KHDRBS2: variants seen among roughly 807,000 people sequenced by gnomAD.
The protein encoded by KHDRBS2 is KH domain-containing, RNA-binding, signal transduction-associated protein 2.
Under a neutral mutation model 44.3 loss-of-function variants are expected in KHDRBS2, and 26 were observed. The ratio of observed to expected loss-of-function variants is 0.59; its 90% CI spans 0.43 to 0.81. The LOEUF (loss-of-function observed/expected upper bound fraction) is 0.81, where lower values mean the gene tolerates loss of function less well. Ranked by LOEUF, KHDRBS2 falls within the 40% of genes least tolerant of loss-of-function variation. The probability of loss-of-function intolerance (pLI) is 0.00; values close to 1 mark genes in which losing one functional copy is unlikely to be tolerated. For synonymous variants in KHDRBS2, 194 were observed against 151.1 expected (o/e 1.28, Z -2.08); for missense variants, 476 against 433.1 (o/e 1.10, Z -0.88).
At position 62,286,146 on chromosome 6, in the gene KHDRBS2, C is replaced by T; in HGVS notation, c.-198G>A. On this transcript the variant is annotated 5_prime_UTR_variant, in exon 1 of 9. Transcript: ENST00000281156. ...CTGCGTGGCCCCGCGCCCACACCTG[C>T]CCGTCCCTTCCGTCGTCCCTCGCTC... The T allele has an allele frequency of 1.8e-6, 1 of 561,938 alleles. No homozygotes were observed. Among genetic ancestry groups the T allele is most frequent in the Non-Finnish European group, 3.1e-6 (1 of 322,300 alleles). The allele number at this position is 561,938 out of a possible 1,614,324, so 34.8% of individuals were successfully genotyped here.
chr6:61,706,544 C>T (rs1234265170), intron 7 of KHDRBS2, among the ~76,000 whole-genome samples: 1 of 151,758 alleles, frequency 6.6e-6, no homozygotes, highest in African/African-American at 2.4e-5. Context: ...AATTTGAGAT[C>T]ATTCTCTTTT....
intron 6 of KHDRBS2, among the ~76,000 whole-genome samples, chr6:61,828,629 T>G (rs753136301): frequency 2.6e-5 from 4 of 152,200 alleles, no homozygotes; most frequent in Admixed American, 6.5e-5. Flanking sequence ...TGGGTATCCC[T>G]CAGGCTGCTG....
chr6:61,975,787 T>A lies in KHDRBS2; in HGVS notation c.483+2279A>T, dbSNP rs77954593. On this transcript the variant is annotated intron_variant, in intron 4 of 8. Transcript: ENST00000281156. ...TTATAATGTTAAATAGAGTGGTTAG[T>A]GATACTACGTTCAAAATATAGTAAG... Among the ~76,000 whole-genome samples, 882 of 152,186 alleles carry A rather than the reference T, an allele frequency of 5.8e-3. 25 individuals are homozygous for A. The highest frequency in any genetic ancestry group is 0.041 in the East Asian group (214 of 5,178).
intron 3 of KHDRBS2, among the ~76,000 whole-genome samples, chr6:62,020,455 A>G (rs1051026836): frequency 1.3e-5 from 2 of 152,022 alleles, no homozygotes; most frequent in African/African-American, 4.8e-5. Flanking sequence ...ATAAATGTCA[A>G]TTAACTCAGT....
At chr6:61,748,478 T>C (rs1253909173) in intron 6 of KHDRBS2, among the ~76,000 whole-genome samples, 1 of 152,180 alleles carries the variant, frequency 6.6e-6, no homozygotes, top group Admixed American at 6.5e-5. Context: ...TATTGCAAAC[T>C]CACCAGGTCT....
the KHDRBS2 span, among the ~76,000 whole-genome samples, chr6:61,566,437 A>G: frequency 0.59 from 89,355 of 151,498 alleles, 26,506 homozygotes; most frequent in Non-Finnish European, 0.61. Flanking sequence ...TTAAAGTATT[A>G]GATATCCCAA....
At chr6:62,076,862 T>C (rs1459277871) in intron 2 of KHDRBS2, among the ~76,000 whole-genome samples, 4 of 151,900 alleles carry the variant, frequency 2.6e-5, no homozygotes, top group African/African-American at 2.4e-5. Context: ...TTGTGCAACA[T>C]AGTGAGACCT....
intron 3 of KHDRBS2, among the ~76,000 whole-genome samples, chr6:61,993,026 GAT>G (rs1776430818): frequency 6.6e-6 from 1 of 152,124 alleles, no homozygotes; most frequent in African/African-American, 2.4e-5. Context: ...CCAGGAAACT[GAT>G]ATGATATTGA....
chr6:62,239,681 T>TATTC (rs1834276935), intron 1 of KHDRBS2, among the ~76,000 whole-genome samples: 1 of 152,020 alleles, frequency 6.6e-6, no homozygotes, highest in Admixed American at 6.6e-5. Context: ...TTAAACTATT[T>TATTC]ATTTATTTAT....
chr6:62,012,405 A>G (rs975627888), intron 3 of KHDRBS2, among the ~76,000 whole-genome samples: 10 of 152,124 alleles, frequency 6.6e-5, no homozygotes, highest in African/African-American at 2.4e-4. Context: ...CTCATCCACA[A>G]TCCTTTTCCA....
intron 6 of KHDRBS2, among the ~76,000 whole-genome samples, chr6:61,830,612 G>A (rs1791635512): frequency 6.6e-6 from 1 of 152,126 alleles, no homozygotes; most frequent in Non-Finnish European, 1.5e-5. Flanking sequence ...AGTTGACAAC[G>A]AGGCTGGCAG....
intron 6 of KHDRBS2, among the ~76,000 whole-genome samples, chr6:61,822,692 C>T (rs1790128595): frequency 6.6e-6 from 1 of 151,918 alleles, no homozygotes; most frequent in Non-Finnish European, 1.5e-5. Context: ...CTATTCCCTA[C>T]TCTAGGCTTT....
At chr6:62,010,554 CA>C (rs1780111478) in intron 3 of KHDRBS2, among the ~76,000 whole-genome samples, 2 of 152,146 alleles carry the variant, frequency 1.3e-5, no homozygotes, top group Non-Finnish European at 2.9e-5. Flanking sequence ...ACCCAAATCT[CA>C]TCTTACAGCT....
chr6:61,669,653 G>T, the KHDRBS2 span, among the ~76,000 whole-genome samples: 2 of 150,892 alleles, frequency 1.3e-5, no homozygotes, highest in Admixed American at 6.6e-5. Flanking sequence ...ACTTGGGGAA[G>T]ATATTTACTA....
chr6:62,228,865 G>A (rs1383270092), intron 1 of KHDRBS2, among the ~76,000 whole-genome samples: 1 of 152,156 alleles, frequency 6.6e-6, no homozygotes, highest in Non-Finnish European at 1.5e-5. Context: ...ACAGCAAAGA[G>A]GTGTGCCGCT....
At chr6:61,544,349 A>G in the KHDRBS2 span, among the ~76,000 whole-genome samples, 1 of 152,120 alleles carries the variant, frequency 6.6e-6, no homozygotes, top group Admixed American at 6.6e-5. Flanking sequence ...CAGCACCTTA[A>G]CTAAGAGTCT....
At chr6:61,891,511 C>T (rs1801835053) in intron 6 of KHDRBS2, among the ~76,000 whole-genome samples, 1 of 152,090 alleles carries the variant, frequency 6.6e-6, no homozygotes, top group African/African-American at 2.4e-5. Context: ...AGGAATGGTA[C>T]CAGCTCCTCC....
chr6:61,715,436 C>A (rs1192790495), intron 7 of KHDRBS2, among the ~76,000 whole-genome samples: 1 of 151,810 alleles, frequency 6.6e-6, no homozygotes, highest in African/African-American at 2.4e-5. Context: ...CTATATGCCC[C>A]AACACTTTCA....
chr6:62,161,634 A>G (rs1055308326), intron 2 of KHDRBS2, among the ~76,000 whole-genome samples: 17 of 147,752 alleles, frequency 1.2e-4, no homozygotes, highest in African/African-American at 4.3e-4. Context: ...CTTTACTGAT[A>G]AGGAGAAATT....
Sources: gnomAD v4.1 joint callset for allele counts (sites outside exome capture counted in the v4.1 genomes callset) on GRCh38, gnomAD v4.1.1 for gene constraint, MANE v1.5 for transcripts, NCBI Gene and HGNC (gene_info 2026-07-23, HGNC 2026-07-21) for gene names.